Variants in SMARCA5 observed in about 807,000 individuals in gnomAD.
SMARCA5 encodes SWI/SNF-related matrix-associated actin-dependent regulator of chromatin subfamily A member 5.
SMARCA5 carries 18 observed loss-of-function variants against 140.4 expected under a neutral mutation model. The ratio of observed to expected loss-of-function variants is 0.13; its 90% CI spans 0.09 to 0.19. The LOEUF (loss-of-function observed/expected upper bound fraction) is 0.19, where lower values mean the gene tolerates loss of function less well. Among genes scored for constraint, SMARCA5 ranks in the 10% least tolerant of loss-of-function variants. The pLI, the probability that SMARCA5 is intolerant of heterozygous loss-of-function variation, is 1.00. For synonymous variants in SMARCA5, 449 were observed against 419.6 expected, an observed-to-expected ratio of 1.07 and a Z score of -0.86; for missense variants, 606 against 1,276.8, an observed-to-expected ratio of 0.47 and a Z score of 8.01.
intron 6 of SMARCA5, among the ~76,000 whole-genome samples, chr4:143,527,002 A>G (rs1737088882): frequency 6.6e-6 from 1 of 152,172 alleles, no homozygotes; most frequent in Non-Finnish European, 1.5e-5. Context: ...CTTGTTTTTA[A>G]AAGATATTTT....
chr4:143,534,011 AC>A (rs1737252102), intron 9 of SMARCA5, among the ~76,000 whole-genome samples: 1 of 152,138 alleles, frequency 6.6e-6, no homozygotes, highest in African/African-American at 2.4e-5. Context: ...GTTTGTGGCA[AC>A]CCTGTGTCAA....
At chr4:143,514,858 C>T (rs1158390103) in intron 1 of SMARCA5, among the ~76,000 whole-genome samples, 2 of 146,092 alleles carry the variant, frequency 1.4e-5, no homozygotes, top group South Asian at 2.1e-4. Flanking sequence ...TCTTTTTGGC[C>T]TCTGGCCTTA....
chr4:143,513,837 T>C lies in SMARCA5; in HGVS notation c.-88T>C. The C allele has an allele frequency of 7.0e-7, 1 of 1,418,972 alleles. No homozygotes were observed. Among genetic ancestry groups the C allele is most frequent in the Non-Finnish European group, 9.4e-7 (1 of 1,061,394 alleles). 87.9% of individuals were successfully genotyped at this position (1,418,972 alleles called of 1,614,324 possible). On this transcript the variant is annotated 5_prime_UTR_variant, in exon 1 of 24. Coordinates refer to ENST00000283131, the MANE Select transcript of SMARCA5 (RefSeq NM_003601.4). ...GAGTCTCGCTCCTCCACCAGTTTAT[T>C]GCGACGTAGCATCCAGGCCTAGGCC...
intron 23 of SMARCA5, among the ~76,000 whole-genome samples, chr4:143,551,479 A>T (rs1737638438): frequency 6.6e-6 from 1 of 152,088 alleles, no homozygotes; most frequent in African/African-American, 2.4e-5. Context: ...ATCTTTGCCC[A>T]GTCCAGTGTT....
chr4:143,555,401 C>A lies in SMARCA5; in HGVS notation c.*2217C>A. On this transcript the variant is annotated 3_prime_UTR_variant, in exon 24 of 24. Coordinates refer to ENST00000283131, the MANE Select transcript of SMARCA5 (RefSeq NM_003601.4). ...ACCATGGCTGCCACCAAAGCCACCA[C>A]GATCACAGAACTTGATGACTGTATT... The A allele has an allele frequency of 1.5e-6, 1 of 666,990 alleles. No homozygotes were observed. The highest frequency in any genetic ancestry group is 2.8e-5 in the East Asian group (1 of 35,558). 41.3% of individuals were successfully genotyped at this position (666,990 alleles called of 1,614,324 possible).
chr4:143,538,752 A>T, intron 12 of SMARCA5, 34 bp from the exon 13 acceptor site: 1 of 1,613,376 alleles, frequency 6.2e-7, no homozygotes, highest in East Asian at 2.2e-5. Flanking sequence ...AGAATCAGAT[A>T]AATTTTTTGA....
At chr4:143,519,853 C>T (rs1177775533) in intron 2 of SMARCA5, among the ~76,000 whole-genome samples, 1 of 152,084 alleles carries the variant, frequency 6.6e-6, no homozygotes, top group Non-Finnish European at 1.5e-5. Flanking sequence ...CCACTCTGAT[C>T]AGTCTTTCTT....
chr4:143,534,836 T>C lies in SMARCA5; in HGVS notation c.1159-19T>C. ...ATGTGTAATATTGGTATTACCTGTT[T>C]ATTTTTGTCCTTTTTAAGGTTTTGC... On this transcript the variant is annotated intron_variant, in intron 9 of 23. Coordinates refer to ENST00000283131, the MANE Select transcript of SMARCA5 (RefSeq NM_003601.4). 6.3e-7 allele frequency: 1 copy of C among 1,579,870 alleles called. No homozygotes were observed. Among genetic ancestry groups the C allele is most frequent in the Non-Finnish European group, 8.7e-7 (1 of 1,154,854 alleles).
At chr4:143,545,432 C>A in intron 17 of SMARCA5, 38 bp from the exon 18 acceptor site, 1 of 1,361,796 alleles carries the variant, frequency 7.3e-7, no homozygotes, top group Admixed American at 1.7e-5. Context: ...AATGAAATTT[C>A]TTTTTTATGG....
chr4:143,538,460 AT>A (rs1737359517), intron 11 of SMARCA5, 129 bp from the exon 12 acceptor site: 6 of 709,396 alleles, frequency 8.5e-6, no homozygotes, highest in Admixed American at 2.4e-5. Context: ...TAATGTGTAG[AT>A]TTTTTTCCCC....
At chr4:143,540,250 T>A (rs550418747) in intron 13 of SMARCA5, 113 bp from the exon 14 acceptor site, 1 of 788,028 alleles carries the variant, frequency 1.3e-6, no homozygotes, top group African/African-American at 1.8e-5. Flanking sequence ...TATTACAAAT[T>A]TTTAAAAGTT....
intron 14 of SMARCA5, among the ~76,000 whole-genome samples, chr4:143,541,942 C>T (rs560153380): frequency 9.2e-5 from 14 of 152,044 alleles, no homozygotes; most frequent in African/African-American, 3.4e-4. Flanking sequence ...ACTGCAACCT[C>T]CGCTTCCTGG....
At chr4:143,526,735 T>C (rs886590234) in intron 6 of SMARCA5, among the ~76,000 whole-genome samples, 2 of 151,956 alleles carry the variant, frequency 1.3e-5, no homozygotes, top group Non-Finnish European at 2.9e-5. Flanking sequence ...GTGGCACGCA[T>C]GGCCTGTAGT....
rs1335412529 is a variant in SMARCA5 at position 143,513,887 on chromosome 4, G to A, written c.-38G>A. 6.5e-7 allele frequency: 1 copy of A among 1,531,494 alleles called. No individual in the cohort carries two copies. The highest frequency in any genetic ancestry group is 2.0e-5 in the Admixed American group (1 of 51,050). The allele number at this position is 1,531,494 out of a possible 1,614,324, so 94.9% of individuals were successfully genotyped here. A position where few individuals can be genotyped will look rare whatever the true frequency, so the allele number is the denominator to read the frequency against. ...CTCCCCGTCCATCCCCGCCGGACTC[G>A]GGCCTCTGGCAGCAGCGGGTGACGC... On this transcript the variant is annotated 5_prime_UTR_variant, in exon 1 of 24. Coordinates refer to ENST00000283131, the MANE Select transcript of SMARCA5 (RefSeq NM_003601.4).
chr4:143,530,543 A>T lies in SMARCA5; in HGVS notation c.1158+17A>T. Reference sequence around the variant, plus strand: ...CTTCATATGGTAAGTATTTTGGAGTAGTGTTAAAGCATATTTATGATGGGA... The same window carrying T: ...CTTCATATGGTAAGTATTTTGGAGTTGTGTTAAAGCATATTTATGATGGGA... On this transcript the variant is annotated intron_variant, in intron 9 of 23. Transcript: ENST00000283131. 6.4e-7 allele frequency: 1 copy of T among 1,553,580 alleles called. No individual in the cohort carries two copies. The highest frequency in any genetic ancestry group is 1.1e-5 in the South Asian group (1 of 88,844).
In SMARCA5 at chr4:143,525,333, T is replaced by C. The variant is rs1737047123; in HGVS notation, c.521-118T>C. 11 of 689,192 alleles carry C rather than the reference T, an allele frequency of 1.6e-5. No individual in the cohort carries two copies. The East Asian group carries it at 2.6e-4, about 16-fold the overall frequency. The allele number at this position is 689,192 out of a possible 1,614,324, so 42.7% of individuals were successfully genotyped here. A position where few individuals can be genotyped will look rare whatever the true frequency, so the allele number is the denominator to read the frequency against. On this transcript the variant is annotated intron_variant, in intron 4 of 23. Transcript: ENST00000283131. Reference sequence around the variant, plus strand: ...AGTATTTTGGAACTTGCAGAGTTCCTATTCAAGAATCCGTTAGTAATGAAA... The same window carrying C: ...AGTATTTTGGAACTTGCAGAGTTCCCATTCAAGAATCCGTTAGTAATGAAA...
intron 17 of SMARCA5, among the ~76,000 whole-genome samples, chr4:143,545,181 TC>T (rs947839328): frequency 5.3e-5 from 8 of 152,124 alleles, no homozygotes; most frequent in African/African-American, 1.9e-4. Context: ...GACCTCATGA[TC>T]CGCCCACCTT....
At chr4:143,546,284 T>G (rs1205417873) in intron 19 of SMARCA5, among the ~76,000 whole-genome samples, 1 of 152,128 alleles carries the variant, frequency 6.6e-6, no homozygotes, top group Non-Finnish European at 1.5e-5. Context: ...TTTTATCACC[T>G]TACTTTGAAT....
At chr4:143,517,319 G>A (rs775920150) in intron 1 of SMARCA5, 36 bp from the exon 2 acceptor site, 49 of 1,494,208 alleles carry the variant, frequency 3.3e-5, no homozygotes, top group Admixed American at 1.3e-4. Flanking sequence ...TACTATTTTC[G>A]AAGACCAATT....
Sources: gnomAD v4.1 joint callset for allele counts (sites outside exome capture counted in the v4.1 genomes callset) on GRCh38, gnomAD v4.1.1 for gene constraint, MANE v1.5 for transcripts, NCBI Gene and HGNC (gene_info 2026-07-23, HGNC 2026-07-21) for gene names.